Variants in KCNJ6 observed in about 807,000 individuals in gnomAD.
KCNJ6 encodes potassium inwardly rectifying channel subfamily J member 6, also known as G protein-activated inward rectifier potassium channel 2.
KCNJ6 carries 9 observed loss-of-function variants against 34.2 expected under a neutral mutation model. The observed-to-expected ratio is 0.26, with a 90% CI of 0.16 to 0.46. The LOEUF (loss-of-function observed/expected upper bound fraction) is 0.46, where lower values mean the gene tolerates loss of function less well. KCNJ6 is among the 20% of genes least tolerant of loss of function. KCNJ6 has a pLI of 1.00. For missense variants in KCNJ6, 236 were observed against 531.3 expected (o/e 0.44, Z 5.46); for synonymous variants, 196 against 207.1 (o/e 0.95, Z 0.46).
rs1255543111 is a variant in KCNJ6 at position 37,610,713 on chromosome 21, T to C, written c.*14446A>G. On this transcript the variant is annotated 3_prime_UTR_variant, in exon 4 of 4. Coordinates refer to ENST00000609713, the MANE Select transcript of KCNJ6 (RefSeq NM_002240.5). ...AGGTAGCTGGAAAATGCCAAAATAC[T>C]TGGAGATTAAACAACACACGTGTAA... 6.6e-6 allele frequency: 1 copy of C among 151,602 alleles called. No homozygotes were observed. Among genetic ancestry groups the C allele is most frequent in the Non-Finnish European group, 1.5e-5 (1 of 67,918 alleles). The allele number at this position is 151,602 out of a possible 1,614,324, so 9.4% of individuals were successfully genotyped here.
At chr21:37,847,943 C>T (rs3787854) in intron 1 of KCNJ6, among the ~76,000 whole-genome samples, 27,612 of 152,062 alleles carry the variant, frequency 0.18, 3,909 homozygotes, top group East Asian at 0.46. Flanking sequence ...AGGAAGAATA[C>T]TCCAGATGGA....
At chr21:37,817,743 G>A (rs2055353432) in intron 2 of KCNJ6, among the ~76,000 whole-genome samples, 1 of 152,288 alleles carries the variant, frequency 6.6e-6, no homozygotes, top group Admixed American at 6.5e-5. Context: ...GATATGATTT[G>A]CTGATGCACA....
At chr21:37,905,581 C>T (rs544207211) in intron 1 of KCNJ6, among the ~76,000 whole-genome samples, 1 of 152,332 alleles carries the variant, frequency 6.6e-6, no homozygotes, top group South Asian at 2.1e-4. Context: ...TTCCAAGACT[C>T]CTTCACATTT....
intron 2 of KCNJ6, among the ~76,000 whole-genome samples, chr21:37,765,256 C>T (rs1043604417): frequency 7.8e-4 from 119 of 152,258 alleles, no homozygotes; most frequent in African/African-American, 2.6e-3. Flanking sequence ...TTCATGACAT[C>T]GCTTTGATAG....
chr21:37,720,524 CCTGGGGG>C (rs1024267361), intron 2 of KCNJ6, among the ~76,000 whole-genome samples: 12 of 152,076 alleles, frequency 7.9e-5, no homozygotes, highest in South Asian at 2.1e-4. Flanking sequence ...GTCCAGGAGG[CCTGGGGG>C]CTGGGGGCGC....
At chr21:37,909,893 G>A (rs565707933) in intron 1 of KCNJ6, among the ~76,000 whole-genome samples, 1 of 152,348 alleles carries the variant, frequency 6.6e-6, no homozygotes, top group African/African-American at 2.4e-5. Context: ...ACGGCTTGCA[G>A]TGCTTCACTG....
chr21:37,809,807 C>T (rs780406802), intron 2 of KCNJ6, among the ~76,000 whole-genome samples: 5 of 152,056 alleles, frequency 3.3e-5, no homozygotes, highest in South Asian at 4.1e-4. Flanking sequence ...GCCTTCCTTG[C>T]GATACTGCAT....
intron 3 of KCNJ6, among the ~76,000 whole-genome samples, chr21:37,692,652 A>C (rs1186473148): frequency 2.0e-5 from 3 of 152,220 alleles, no homozygotes; most frequent in African/African-American, 2.4e-5. Context: ...AATAGAGTTT[A>C]GGTTCTGGCT....
At chr21:37,900,844 G>T (rs2055813515) in intron 1 of KCNJ6, among the ~76,000 whole-genome samples, 1 of 152,310 alleles carries the variant, frequency 6.6e-6, no homozygotes, top group African/African-American at 2.4e-5. Flanking sequence ...TGAGCCCAAA[G>T]AAATCTGCAA....
intron 1 of KCNJ6, among the ~76,000 whole-genome samples, chr21:37,892,201 G>A (rs2055765762): frequency 6.6e-6 from 1 of 152,134 alleles, no homozygotes; most frequent in Admixed American, 6.5e-5. Flanking sequence ...CTCTTCAGGA[G>A]ATGCAAATGT....
chr21:37,689,587 A>G (rs1405637552), intron 3 of KCNJ6, among the ~76,000 whole-genome samples: 2 of 152,150 alleles, frequency 1.3e-5, no homozygotes, highest in Non-Finnish European at 2.9e-5. Flanking sequence ...CTAGGCACTC[A>G]GTAAATTTCT....
intron 3 of KCNJ6, among the ~76,000 whole-genome samples, chr21:37,664,792 CTTTTTTT>C (rs10594512): frequency 4.0e-5 from 4 of 101,014 alleles, no homozygotes; most frequent in African/African-American, 1.2e-4. Flanking sequence ...AAGAATATTC[CTTTTTTT>C]TTTTTTTTTT....
intron 1 of KCNJ6, among the ~76,000 whole-genome samples, chr21:37,896,914 A>C (rs2123640814): frequency 1.3e-5 from 2 of 152,284 alleles, no homozygotes; most frequent in East Asian, 3.9e-4. Flanking sequence ...TTCAAAAAGG[A>C]AAAGAAGAAA....
chr21:37,705,961 C>T (rs2054717406), intron 3 of KCNJ6, among the ~76,000 whole-genome samples: 1 of 151,734 alleles, frequency 6.6e-6, no homozygotes, highest in Non-Finnish European at 1.5e-5. Context: ...GTTATTTCCT[C>T]AGTCATCCTG....
chr21:37,734,978 C>G (rs1382760039), intron 2 of KCNJ6, among the ~76,000 whole-genome samples: 1 of 152,058 alleles, frequency 6.6e-6, no homozygotes, highest in East Asian at 1.9e-4. Flanking sequence ...ATGGGCACAC[C>G]CCCACTATGC....
intron 2 of KCNJ6, among the ~76,000 whole-genome samples, chr21:37,828,432 GGAGCCT>G (rs2055409222): frequency 6.6e-6 from 1 of 152,182 alleles, no homozygotes; most frequent in Non-Finnish European, 1.5e-5. Context: ...CTGAATTCAG[GGAGCCT>G]GTGGGCTGTC....
intron 2 of KCNJ6, among the ~76,000 whole-genome samples, chr21:37,784,202 C>T (rs1334118968): frequency 6.6e-6 from 1 of 152,198 alleles, no homozygotes; most frequent in Non-Finnish European, 1.5e-5. Flanking sequence ...TCACTACTCA[C>T]TCAATAGGGC....
intron 2 of KCNJ6, among the ~76,000 whole-genome samples, chr21:37,825,977 A>C (rs796119246): frequency 1.3e-5 from 2 of 152,114 alleles, no homozygotes; most frequent in East Asian, 1.9e-4. Context: ...GCTACAATTC[A>C]AGATGAGATT....
intron 3 of KCNJ6, among the ~76,000 whole-genome samples, chr21:37,690,990 C>A (rs1187559269): frequency 6.6e-6 from 1 of 152,096 alleles, no homozygotes; most frequent in African/African-American, 2.4e-5. Context: ...ACCATCTTGG[C>A]CAGGCTGGTC....
Sources: gnomAD v4.1 joint callset for allele counts (sites outside exome capture counted in the v4.1 genomes callset) on GRCh38, gnomAD v4.1.1 for gene constraint, MANE v1.5 for transcripts, NCBI Gene and HGNC (gene_info 2026-07-23, HGNC 2026-07-21) for gene names.